The following MICAL3 variants were observed in gnomAD, a reference collection of about 807,000 sequenced individuals.
The protein encoded by MICAL3 is [F-actin]-monooxygenase MICAL3.
MICAL3 carries 62 observed loss-of-function variants against 207.4 expected under a neutral mutation model. That is an observed-to-expected ratio of 0.30 (90% CI 0.24 to 0.37). MICAL3 has a LOEUF of 0.37. MICAL3 is among the 10% of genes least tolerant of loss of function. The pLI is 1.00. For synonymous variants in MICAL3, 1,077 were observed against 1,069.3 expected, an observed-to-expected ratio of 1.01 and a Z score of -0.14; for missense variants, 2,368 against 2,635.6, an observed-to-expected ratio of 0.90 and a Z score of 2.22.
chr22:17,792,906 A>G (rs567868462), intron 29 of MICAL3, among the ~76,000 whole-genome samples: 7 of 152,312 alleles, frequency 4.6e-5, no homozygotes, highest in African/African-American at 1.7e-4. Context: ...AGTTCCATGC[A>G]TTGCTTTCGG....
intron 16 of MICAL3, chr22:17,875,532 C>G (rs367888715): frequency 4.5e-6 from 7 of 1,552,614 alleles, no homozygotes; most frequent in Non-Finnish European, 6.1e-6. Context: ...GACAAAAAAT[C>G]GACGAGGAGG....
At position 17,873,290 on chromosome 22, in the gene MICAL3, T is replaced by C. The variant is rs193213957; in HGVS notation, c.2242-1267A>G. ...CCCAGGCTGAGCCTGCCTTTCACGG[T>C]CCAGGAGGCCATCTCCTCACTCAGA... is the stretch of plus-strand genomic sequence containing the variant. On this transcript the variant is annotated intron_variant, in intron 16 of 31. Coordinates refer to ENST00000441493, the MANE Select transcript of MICAL3 (RefSeq NM_015241.3). Among the ~76,000 whole-genome samples the C allele has an allele frequency of 6.7e-4, 102 of 152,320 alleles. 2 individuals carry two copies. In the East Asian group the frequency reaches 0.018, roughly 27 times the overall value.
intron 1 of MICAL3, among the ~76,000 whole-genome samples, chr22:17,938,493 C>T (rs1933653621): frequency 6.6e-6 from 1 of 152,176 alleles, no homozygotes; most frequent in Non-Finnish European, 1.5e-5. Flanking sequence ...GTTACCAATG[C>T]TCCTCCTTAC....
intron 1 of MICAL3, among the ~76,000 whole-genome samples, chr22:17,981,841 G>A (rs1240032853): frequency 1.3e-5 from 2 of 152,174 alleles, no homozygotes; most frequent in Non-Finnish European, 2.9e-5. Flanking sequence ...AATTCCTTAA[G>A]AGATGGGTGA....
chr22:17,960,299 T>C (rs1294896154), intron 1 of MICAL3, among the ~76,000 whole-genome samples: 1 of 152,248 alleles, frequency 6.6e-6, no homozygotes, highest in African/African-American at 2.4e-5. Flanking sequence ...CCTGTGTGTA[T>C]GTAGGCCTCT....
chr22:17,872,171 G>C (rs1229683864), intron 16 of MICAL3, 148 bp from the exon 17 acceptor site: 4 of 675,590 alleles, frequency 5.9e-6, no homozygotes, highest in Non-Finnish European at 7.4e-6. Flanking sequence ...GGTCAACTGT[G>C]CTCTTGGCTC....
intron 19 of MICAL3, among the ~76,000 whole-genome samples, chr22:17,847,529 T>C (rs1924761930): frequency 6.6e-6 from 1 of 152,200 alleles, no homozygotes; most frequent in African/African-American, 2.4e-5. Flanking sequence ...ACAAGATCTG[T>C]GCCCTGGGGC....
In MICAL3 at chr22:17,821,529, G is replaced by A. The variant is rs1306381451; in HGVS notation, c.3449-20C>T. ...AGGGACCTGAAAAGAATGAACACAGGGACTTACAAGAGGAAGCCCCCCCAT... is the reference window on the plus strand; with the variant it reads ...AGGGACCTGAAAAGAATGAACACAGAGACTTACAAGAGGAAGCCCCCCCAT... On this transcript the variant is annotated intron_variant, in intron 24 of 31. Transcript: ENST00000441493. The A allele has an allele frequency of 7.2e-6, 11 of 1,529,994 alleles. No individual in the cohort carries two copies. The East Asian group carries it at 2.0e-4, about 28-fold the overall frequency. The allele number at this position is 1,529,994 out of a possible 1,614,324, so 94.8% of individuals were successfully genotyped here. A position where few individuals can be genotyped will look rare whatever the true frequency, so the allele number is the denominator to read the frequency against.
At chr22:17,876,770 A>AGTTATGGAG (rs1404638327) in intron 16 of MICAL3, 1 of 46,298 alleles carries the variant, frequency 2.2e-5, no homozygotes, top group African/African-American at 7.2e-5. Context: ...AGGTTAGGGA[A>AGTTATGGAG]GTTATGGAGG....
chr22:17,856,349 T>G (rs1343692874), intron 19 of MICAL3, among the ~76,000 whole-genome samples: 9 of 152,230 alleles, frequency 5.9e-5, no homozygotes, highest in Admixed American at 4.6e-4. Context: ...TTGAGCAGCA[T>G]GAAGGATTGC....
chr22:17,915,441 C>A (rs9604803), intron 1 of MICAL3, among the ~76,000 whole-genome samples: 44,734 of 152,040 alleles, frequency 0.29, 7,518 homozygotes, highest in East Asian at 0.52. Flanking sequence ...AAATACCTCA[C>A]GAGATGACCG....
intron 1 of MICAL3, among the ~76,000 whole-genome samples, chr22:18,015,952 C>T (rs1283187462): frequency 6.6e-6 from 1 of 152,048 alleles, no homozygotes; most frequent in Admixed American, 6.6e-5. Context: ...CTATTATAAC[C>T]AACACAACAG....
intron 1 of MICAL3, among the ~76,000 whole-genome samples, chr22:17,927,219 A>G (rs1401526629): frequency 5.3e-5 from 8 of 152,188 alleles, no homozygotes; most frequent in Non-Finnish European, 1.2e-4. Context: ...ACTTAGTATA[A>G]GGGCTTCAAG....
chr22:17,969,855 C>T (rs950770106), intron 1 of MICAL3, among the ~76,000 whole-genome samples: 1 of 152,196 alleles, frequency 6.6e-6, no homozygotes, highest in Non-Finnish European at 1.5e-5. Flanking sequence ...TCTCAGCTCT[C>T]CCTGTGTGCT....
At chr22:18,012,994 G>A (rs1324227454) in intron 1 of MICAL3, among the ~76,000 whole-genome samples, 1 of 152,184 alleles carries the variant, frequency 6.6e-6, no homozygotes, top group East Asian at 1.9e-4. Flanking sequence ...GGTCTGGTGG[G>A]CATGGGGATG....
intron 17 of MICAL3, among the ~76,000 whole-genome samples, chr22:17,870,784 G>A (rs887649197): frequency 3.3e-5 from 5 of 152,108 alleles, no homozygotes; most frequent in Admixed American, 1.3e-4. Context: ...ATTCTTCCCC[G>A]ACTCGGGAGT....
rs2061816249 is a variant in MICAL3, at chr22:17,790,713, T to C, written c.*19A>G. The C allele has an allele frequency of 6.4e-6, 10 of 1,570,364 alleles. No homozygotes were observed. The highest frequency in any genetic ancestry group is 8.6e-6 in the Non-Finnish European group (10 of 1,156,464). On this transcript the variant is annotated 3_prime_UTR_variant, in exon 32 of 32. Coordinates refer to ENST00000441493, the MANE Select transcript of MICAL3 (RefSeq NM_015241.3). ...TGGCCAGGCGGATGCCAACAGAAAA[T>C]GGAGCGTTGGGTGGGAGCTCAGGAC...
chr22:17,964,212 C>T lies in MICAL3; in HGVS notation c.-74-57326G>A, dbSNP rs377678531. Among the ~76,000 whole-genome samples the T allele has an allele frequency of 9.8e-5, 15 of 152,348 alleles. No individual in the cohort carries two copies. The South Asian group carries it at 2.7e-3, about 27-fold the overall frequency. ...GCCAATCAAGACCCAAAAAATCTGCCTCTCCTCAGCTCAAGAGGAAGAAGG... is the reference window on the plus strand; with the variant it reads ...GCCAATCAAGACCCAAAAAATCTGCTTCTCCTCAGCTCAAGAGGAAGAAGG... On this transcript the variant is annotated intron_variant, in intron 1 of 31. Transcript: ENST00000441493.
Position 17,957,726 on chromosome 22 carries a change from A to AAG in MICAL3, c.-74-50842_-74-50841dup, listed in dbSNP as rs1430727465. 7.4e-3 allele frequency among the ~76,000 whole-genome samples: 871 copies of AAG among 118,388 alleles called. 37 individuals carry two copies. Among genetic ancestry groups the AAG allele is most frequent in the East Asian group, 0.015 (62 of 4,272 alleles). 77.7% of individuals were successfully genotyped at this position (118,388 alleles called of 152,430 possible). A position where few individuals can be genotyped will look rare whatever the true frequency, so the allele number is the denominator to read the frequency against. ...ACTATGTCAAAAAAAAAAAAAAAAA[A>AAG]AGAGAGAGAAAGAAAACGAGAGAGA... On this transcript the variant is annotated intron_variant, in intron 1 of 31. Transcript: ENST00000441493.
Sources: allele counts gnomAD v4.1 joint callset (sites outside exome capture counted in the v4.1 genomes callset), GRCh38; gene constraint gnomAD v4.1.1; transcripts MANE v1.5; gene names NCBI Gene and HGNC (gene_info 2026-07-23, HGNC 2026-07-21).